Variants in PTPRT observed in about 807,000 individuals in gnomAD.
PTPRT encodes receptor-type tyrosine-protein phosphatase T.
PTPRT carries 56 observed loss-of-function variants against 176.8 expected under a neutral mutation model. The ratio of observed to expected loss-of-function variants is 0.32; its 90% confidence interval spans 0.26 to 0.40. PTPRT has a LOEUF of 0.40. Among genes scored for constraint, PTPRT ranks in the 10% least tolerant of loss-of-function variants. The pLI, the probability that PTPRT is intolerant of heterozygous loss-of-function variation, is 1.00. For missense variants in PTPRT, 1,540 were observed against 1,908.2 expected (o/e 0.81, Z 3.60); for synonymous variants, 783 against 739.0 (o/e 1.06, Z -0.96).
At chr20:42,448,138 C>A in intron 9 of PTPRT, 82 bp downstream of exon 9, 1 of 1,070,728 alleles carries the variant, frequency 9.3e-7, no homozygotes, top group East Asian at 2.4e-5. Context: ...ATACGTTCAG[C>A]AGAATGGGTA....
At chr20:42,949,721 C>T (rs546888031) in intron 1 of PTPRT, among the ~76,000 whole-genome samples, 1 of 152,286 alleles carries the variant, frequency 6.6e-6, no homozygotes, top group South Asian at 2.1e-4. Flanking sequence ...TTTGAAGTAC[C>T]TTGTTATGCA....
intron 9 of PTPRT, among the ~76,000 whole-genome samples, chr20:42,390,922 C>T (rs1197812892): frequency 6.6e-6 from 1 of 152,110 alleles, no homozygotes; most frequent in African/African-American, 2.4e-5. Flanking sequence ...GTTATGGAGT[C>T]AGAATTGAGT....
Position 42,981,666 on chromosome 20 carries a change from T to G in PTPRT, c.89-95734A>C, listed in dbSNP as rs141494999. Among the ~76,000 whole-genome samples, 52 of 152,152 alleles carry G rather than the reference T, an allele frequency of 3.4e-4. No homozygotes were observed. The East Asian group carries it at 6.4e-3, about 19-fold the overall frequency. On this transcript the variant is annotated intron_variant, in intron 1 of 30. Coordinates refer to ENST00000373187, the MANE Select transcript of PTPRT (RefSeq NM_007050.6). ...ATGTGAGCAGGGCACTTGAGACACA[T>G]GAGAGAACCCAGCAGAAACTAAACA... is the stretch of plus-strand genomic sequence containing the variant.
intron 1 of PTPRT, among the ~76,000 whole-genome samples, chr20:43,038,040 C>T (rs1045496927): frequency 6.6e-6 from 1 of 151,934 alleles, no homozygotes; most frequent in Non-Finnish European, 1.5e-5. Context: ...TGTGGCTACA[C>T]CTGACCTGAG....
At chr20:42,973,879 A>G (rs1982796470) in intron 1 of PTPRT, among the ~76,000 whole-genome samples, 2 of 152,238 alleles carry the variant, frequency 1.3e-5, no homozygotes, top group African/African-American at 4.8e-5. Context: ...AACTGAGTAT[A>G]GTTTCCAGGT....
intron 7 of PTPRT, among the ~76,000 whole-genome samples, chr20:42,489,747 G>T (rs66955877): frequency 0.1 from 15,279 of 152,002 alleles, 838 homozygotes; most frequent in East Asian, 0.19. Flanking sequence ...ATGCTGTGTG[G>T]GTGAGCCACA....
rs542915844 is a variant in PTPRT, at chr20:42,386,605, GAATTATTAT to G, written c.1561-34329_1561-34321del. Among the ~76,000 whole-genome samples the G allele has an allele frequency of 8.8e-3, 1,339 of 152,294 alleles. 9 individuals carry two copies. Among genetic ancestry groups the G allele is most frequent in the Non-Finnish European group, 0.012 (788 of 68,022 alleles). ...CCTTCATAACGATCCTGCAAAGTAA[GAATTATTAT>G]CTTCTTGGGAGGCTGAGGCAGGTGG... On this transcript the variant is annotated intron_variant, in intron 9 of 30. Coordinates refer to ENST00000373187, the MANE Select transcript of PTPRT (RefSeq NM_007050.6).
intron 7 of PTPRT, among the ~76,000 whole-genome samples, chr20:42,668,230 G>A (rs1055526755): frequency 1.6e-4 from 25 of 152,178 alleles, no homozygotes; most frequent in African/African-American, 5.8e-4. Flanking sequence ...AGGAGGCCCT[G>A]GCTCCCTAAG....
At chr20:42,459,962 G>C (rs1383571183) in intron 8 of PTPRT, among the ~76,000 whole-genome samples, 1 of 152,218 alleles carries the variant, frequency 6.6e-6, no homozygotes, top group African/African-American at 2.4e-5. Context: ...CCTCAGTTCT[G>C]ACAAAAGTGA....
intron 7 of PTPRT, among the ~76,000 whole-genome samples, chr20:42,539,030 A>T (rs188877426): frequency 2.6e-5 from 4 of 152,176 alleles, no homozygotes; most frequent in African/African-American, 9.6e-5. Flanking sequence ...TTTCACTAGC[A>T]CTGTTGGACC....
chr20:42,049,021 A>C, the PTPRT span, among the ~76,000 whole-genome samples: 1 of 151,890 alleles, frequency 6.6e-6, no homozygotes, highest in Non-Finnish European at 1.5e-5. Flanking sequence ...GGGTTTCACC[A>C]TGTTGGTCAG....
intron 6 of PTPRT, among the ~76,000 whole-genome samples, chr20:42,691,472 G>C (rs547685560): frequency 3.5e-4 from 53 of 152,330 alleles, no homozygotes; most frequent in African/African-American, 1.3e-3. Context: ...GAAATGGCTA[G>C]AAATGACTAG....
At chr20:42,858,336 G>A (rs1408537097) in intron 2 of PTPRT, among the ~76,000 whole-genome samples, 1 of 152,218 alleles carries the variant, frequency 6.6e-6, no homozygotes, top group Admixed American at 6.5e-5. Flanking sequence ...AAATTACCAA[G>A]AGGAGACAAG....
chr20:42,355,950 C>A (rs527396537), intron 9 of PTPRT, among the ~76,000 whole-genome samples: 1 of 152,270 alleles, frequency 6.6e-6, no homozygotes, highest in Admixed American at 6.5e-5. Flanking sequence ...ATTACAGGAT[C>A]CTCACTTACT....
chr20:42,955,926 G>C (rs991697262), intron 1 of PTPRT, among the ~76,000 whole-genome samples: 5 of 152,180 alleles, frequency 3.3e-5, no homozygotes, highest in African/African-American at 9.6e-5. Flanking sequence ...CCACAGCTTT[G>C]CCAGTAAACA....
At chr20:42,513,201 G>GGTGTGTGTGTGTGT (rs58268839) in intron 7 of PTPRT, among the ~76,000 whole-genome samples, 20 of 144,564 alleles carry the variant, frequency 1.4e-4, no homozygotes, top group South Asian at 2.2e-4. Flanking sequence ...CTATTGATGG[G>GGTGTGTGTGTGTGT]GTGTGTGTGT....
rs1250204899 is a variant in PTPRT at position 42,709,501 on chromosome 20, G to A, written c.860-31342C>T. Among the ~76,000 whole-genome samples the A allele has an allele frequency of 5.3e-5, 8 of 152,104 alleles. No homozygotes were observed. In the East Asian group the frequency reaches 1.3e-3, roughly 26 times the overall value. On this transcript the variant is annotated intron_variant, in intron 6 of 30. Transcript: ENST00000373187. ...TCCACCATTATTGGAAGCTTCCTGG[G>A]GCCCTTGCTAGAAATAGATGCTACC...
At chr20:42,865,541 C>A (rs2078732122) in intron 2 of PTPRT, among the ~76,000 whole-genome samples, 1 of 152,148 alleles carries the variant, frequency 6.6e-6, no homozygotes, top group Non-Finnish European at 1.5e-5. Flanking sequence ...GCTTATAGTT[C>A]ATTGAGGAAG....
intron 3 of PTPRT, among the ~76,000 whole-genome samples, chr20:42,782,683 A>C (rs1027883428): frequency 1.3e-5 from 2 of 152,232 alleles, no homozygotes; most frequent in Admixed American, 1.3e-4. Context: ...ATAAACACCT[A>C]AAACAGAATG....
Sources: allele counts gnomAD v4.1 joint callset (sites outside exome capture counted in the v4.1 genomes callset), GRCh38; gene constraint gnomAD v4.1.1; transcripts MANE v1.5; gene names NCBI Gene and HGNC (gene_info 2026-07-23, HGNC 2026-07-21).